ANKRD28: variants seen among roughly 807,000 people sequenced by gnomAD.
The protein encoded by ANKRD28 is ankyrin repeat domain 28.
Under a neutral mutation model 126.5 loss-of-function variants are expected in ANKRD28, and 44 were observed. The observed-to-expected ratio is 0.35, with a 90% confidence interval of 0.27 to 0.45. ANKRD28 has a LOEUF of 0.45. Among genes scored for constraint, ANKRD28 ranks in the 20% least tolerant of loss-of-function variants. The pLI is 1.00. For missense variants in ANKRD28, 1,110 were observed against 1,316.6 expected, an observed-to-expected ratio of 0.84 and a Z score of 2.43; for synonymous variants, 442 against 468.5, an observed-to-expected ratio of 0.94 and a Z score of 0.73.
intron 1 of ANKRD28, among the ~76,000 whole-genome samples, chr3:15,821,477 T>A (rs1216854141): frequency 6.6e-6 from 1 of 152,164 alleles, no homozygotes; most frequent in African/African-American, 2.4e-5. Context: ...GAACATTATA[T>A]CTACTTATAT....
At chr3:15,826,317 G>A (rs547228842) in intron 1 of ANKRD28, among the ~76,000 whole-genome samples, 43 of 152,226 alleles carry the variant, frequency 2.8e-4, no homozygotes, top group African/African-American at 1.0e-3. Flanking sequence ...GTCAAATCAG[G>A]GCTTTTGGGG....
chr3:15,727,647 C>G (rs2074278098), intron 6 of ANKRD28, among the ~76,000 whole-genome samples: 1 of 143,732 alleles, frequency 7.0e-6, no homozygotes, highest in Admixed American at 6.9e-5. Context: ...TTATTATTAA[C>G]AGGAGTTTGG....
At chr3:15,681,003 A>G (rs1575116389) in intron 21 of ANKRD28, among the ~76,000 whole-genome samples, 1 of 152,106 alleles carries the variant, frequency 6.6e-6, no homozygotes, top group African/African-American at 2.4e-5. Flanking sequence ...TTGTAGGACA[A>G]TTTCCTACCA....
Position 15,814,753 on chromosome 3 carries a change from A to G in ANKRD28, c.28-19447T>C, listed in dbSNP as rs2060798224. Among the ~76,000 whole-genome samples the G allele has an allele frequency of 6.6e-6, 1 of 152,038 alleles. No homozygotes were observed. Among genetic ancestry groups the G allele is most frequent in the Admixed American group, 6.6e-5 (1 of 15,254 alleles). The stretch of plus-strand genomic sequence containing the variant: ...TGTTGATTTAAGAAACTGCCTATGA[A>G]AAGTTTAAAATATTCAATCTATACG... On this transcript the variant is annotated intron_variant, in intron 1 of 27. Transcript: ENST00000399451. This position sits in a 1 kb window ranked among gnomAD's most constrained non-coding sequence, Gnocchi z 4.7.
chr3:15,734,089 T>C (rs1481115967), intron 6 of ANKRD28, among the ~76,000 whole-genome samples: 1 of 152,198 alleles, frequency 6.6e-6, no homozygotes, highest in Non-Finnish European at 1.5e-5. Flanking sequence ...TTCAAAAATA[T>C]AGTATTCAGG....
chr3:15,690,299 G>A, intron 17 of ANKRD28, 79 bp from the exon 18 acceptor site: 1 of 1,198,022 alleles, frequency 8.3e-7, no homozygotes, highest in Non-Finnish European at 1.1e-6. Context: ...ATGTAAATAA[G>A]CAAACTTGTC....
chr3:15,827,421 T>C (rs1416789068), intron 1 of ANKRD28, among the ~76,000 whole-genome samples: 2 of 152,166 alleles, frequency 1.3e-5, no homozygotes, highest in East Asian at 1.9e-4. Context: ...TGGGATACTA[T>C]TCAGCCTTAA....
intron 4 of ANKRD28, among the ~76,000 whole-genome samples, chr3:15,743,027 A>G (rs2057206746): frequency 6.6e-6 from 1 of 152,146 alleles, no homozygotes; most frequent in South Asian, 2.1e-4. Flanking sequence ...TTTGTTCTGT[A>G]CTAAGAAAAA....
At chr3:15,769,881 A>G (rs2058916032) in intron 2 of ANKRD28, among the ~76,000 whole-genome samples, 1 of 152,130 alleles carries the variant, frequency 6.6e-6, no homozygotes, top group African/African-American at 2.4e-5. Context: ...GTTTTGCCCT[A>G]AGATTATTTC....
chr3:15,700,087 G>C (rs2125936071), intron 14 of ANKRD28, among the ~76,000 whole-genome samples: 2 of 152,292 alleles, frequency 1.3e-5, no homozygotes, highest in Middle Eastern at 6.8e-3. Flanking sequence ...CCTTTGCAGG[G>C]ACACAGATGA....
intron 21 of ANKRD28, among the ~76,000 whole-genome samples, chr3:15,680,317 G>A (rs2067407826): frequency 6.6e-6 from 1 of 151,892 alleles, no homozygotes; most frequent in Non-Finnish European, 1.5e-5. Context: ...TGATTCTCCT[G>A]TCTCAGCCTC....
intron 14 of ANKRD28, among the ~76,000 whole-genome samples, chr3:15,698,880 G>GA (rs1330201141): frequency 1.3e-5 from 2 of 152,042 alleles, no homozygotes; most frequent in African/African-American, 2.4e-5. Context: ...CACAGAATTG[G>GA]AAAAAACTAC....
intron 21 of ANKRD28, 160 bp downstream of exon 21, chr3:15,685,066 A>G: frequency 1.5e-6 from 1 of 658,508 alleles, no homozygotes; most frequent in South Asian, 1.9e-5. Context: ...AAAGGACAGG[A>G]GTGAGCCTAC....
intron 2 of ANKRD28, among the ~76,000 whole-genome samples, chr3:15,794,067 C>T (rs1331803457): frequency 6.6e-6 from 1 of 151,380 alleles, no homozygotes; most frequent in East Asian, 1.9e-4. Context: ...CAGACTCTGT[C>T]TCTAAATAAA....
At chr3:15,840,391 A>ACGCAAAAAAATTGATGAAGACT (rs1335195639) in intron 1 of ANKRD28, among the ~76,000 whole-genome samples, 9 of 152,242 alleles carry the variant, frequency 5.9e-5, no homozygotes, top group Admixed American at 6.5e-5. Flanking sequence ...TGATGAAGAC[A>ACGCAAAAAAATTGATGAAGACT]CACAAAAAAT....
intron 17 of ANKRD28, among the ~76,000 whole-genome samples, chr3:15,692,985 T>G (rs1278588858): frequency 6.6e-6 from 1 of 152,076 alleles, no homozygotes; most frequent in African/African-American, 2.4e-5. Flanking sequence ...CTAGATGAAA[T>G]AAGCCAGTCA....
chr3:15,742,614 G>A (rs1340385907), intron 4 of ANKRD28, among the ~76,000 whole-genome samples: 984 of 1,780 alleles, frequency 0.55, 144 homozygotes, highest in East Asian at 0.6. Context: ...GTGGGGGTCA[G>A]CCCCCTGCCA....
chr3:15,790,814 A>T (rs1243105671), intron 2 of ANKRD28, among the ~76,000 whole-genome samples: 3 of 152,184 alleles, frequency 2.0e-5, no homozygotes, highest in African/African-American at 7.2e-5. Context: ...GAAAGATATC[A>T]AAGGCATACA....
At chr3:15,746,794 G>C (rs2057505428) in intron 4 of ANKRD28, among the ~76,000 whole-genome samples, 2 of 152,140 alleles carry the variant, frequency 1.3e-5, no homozygotes, top group Non-Finnish European at 2.9e-5. Flanking sequence ...TCAAATGTTT[G>C]ATAGAATTCA....
Sources: gnomAD v4.1 joint callset for allele counts (sites outside exome capture counted in the v4.1 genomes callset) on GRCh38, gnomAD v4.1.1 for gene constraint, Gnocchi (gnomAD v3.1) non-coding constraint, MANE v1.5 for transcripts, NCBI Gene and HGNC (gene_info 2026-07-23, HGNC 2026-07-21) for gene names.